The following PARPBP variants were observed in gnomAD, a reference collection of about 807,000 sequenced individuals.
PARPBP encodes PCNA-interacting partner.
Under a neutral mutation model 50.0 loss-of-function variants are expected in PARPBP, and 52 were observed. The observed-to-expected ratio is 1.04, with a 90% CI of 0.83 to 1.31. The LOEUF (loss-of-function observed/expected upper bound fraction) is 1.31. PARPBP is among the 50% of genes most tolerant of loss of function. The pLI is 0.00. For missense variants in PARPBP, 697 were observed against 672.0 expected (o/e 1.04, Z -0.41); for synonymous variants, 244 against 232.1 (o/e 1.05, Z -0.47).
rs1010895988 is a variant in PARPBP at position 102,125,585 on chromosome 12, C to T, written c.153+1544C>T. Among the ~76,000 whole-genome samples, 3 of 152,296 alleles carry T rather than the reference C, an allele frequency of 2.0e-5. No homozygotes were observed. The East Asian group carries it at 5.8e-4, about 29-fold the overall frequency. On this transcript the variant is annotated intron_variant, in intron 2 of 10. Transcript: ENST00000327680. ...TCCAGGAACAGTAAAAAGGCCAATA[C>T]AGCTGTCTGAATAAATGTTAATCTC...
chr12:102,140,034 A>G (rs189181719), intron 2 of PARPBP, among the ~76,000 whole-genome samples: 26 of 152,182 alleles, frequency 1.7e-4, no homozygotes, highest in Admixed American at 1.7e-3. Context: ...TTTTCTGTTA[A>G]TTGGAATAGT....
chr12:102,192,045 G>A (rs968399024), intron 9 of PARPBP, among the ~76,000 whole-genome samples: 4 of 152,082 alleles, frequency 2.6e-5, no homozygotes, highest in African/African-American at 9.7e-5. Flanking sequence ...CAAAGGAAAA[G>A]CAATCTCTTT....
In PARPBP at chr12:102,153,996, A is replaced by T. The variant is rs368065856; in HGVS notation, c.495+20A>T. 3 of 1,316,700 alleles carry T rather than the reference A, an allele frequency of 2.3e-6. No homozygotes were observed. The highest frequency in any genetic ancestry group is 1.4e-5 in the African/African-American group (1 of 69,012). 81.6% of individuals were successfully genotyped at this position (1,316,700 alleles called of 1,614,324 possible). A position where few individuals can be genotyped will look rare whatever the true frequency, so the allele number is the denominator to read the frequency against. ...GAAAAGGTACTGATAAACTGTGAGT[A>T]AATTAAAGCAGACTATAATCCCTTT... On this transcript the variant is annotated intron_variant, in intron 4 of 10. Transcript: ENST00000327680.
At chr12:102,187,008 C>G (rs2137164120) in intron 9 of PARPBP, among the ~76,000 whole-genome samples, 1 of 151,762 alleles carries the variant, frequency 6.6e-6, no homozygotes, top group African/African-American at 2.4e-5. Context: ...CAAATTTAAC[C>G]TTTATGATAT....
rs948256671 is a variant in PARPBP at position 102,175,985 on chromosome 12, C to CT, written c.1005+333dup. 7.2e-3 allele frequency among the ~76,000 whole-genome samples: 1,021 copies of CT among 141,650 alleles called. 11 individuals carry two copies. Among genetic ancestry groups the CT allele is most frequent in the African/African-American group, 0.021 (811 of 38,830 alleles). 92.9% of individuals were successfully genotyped at this position (141,650 alleles called of 152,430 possible). A position where few individuals can be genotyped will look rare whatever the true frequency, so the allele number is the denominator to read the frequency against. On this transcript the variant is annotated intron_variant, in intron 7 of 10. Transcript: ENST00000327680. ...TTTATGCTATTTTTCCATAAATATT[C>CT]TTTTTTTTTTTTTTGAGACGGAGTT...
At position 102,136,645 on chromosome 12, in the gene PARPBP, G is replaced by C. The variant is rs116378575; in HGVS notation, c.154-11585G>C. Among the ~76,000 whole-genome samples, 1,393 of 152,238 alleles carry C rather than the reference G, an allele frequency of 9.2e-3. 23 individuals are homozygous for C. Among genetic ancestry groups the C allele is most frequent in the African/African-American group, 0.032 (1,310 of 41,538 alleles). On this transcript the variant is annotated intron_variant, in intron 2 of 10. Coordinates refer to ENST00000327680, the MANE Select transcript of PARPBP (RefSeq NM_017915.5). ...TTCAGACTCTGGGTGGGAAAGAAGA[G>C]GTGAGTTGCAACTGAGATTTTCACA... is the stretch of plus-strand genomic sequence containing the variant.
intron 2 of PARPBP, among the ~76,000 whole-genome samples, chr12:102,125,401 A>G (rs1273351662): frequency 3.3e-5 from 5 of 152,210 alleles, no homozygotes; most frequent in Admixed American, 3.3e-4. Flanking sequence ...GGAATTTGAA[A>G]TAGGGTGGTC....
intron 2 of PARPBP, among the ~76,000 whole-genome samples, chr12:102,130,677 A>G (rs181344730): frequency 9.9e-4 from 151 of 152,066 alleles, no homozygotes; most frequent in Middle Eastern, 6.8e-3. Flanking sequence ...AACATGGTGA[A>G]ACCCCATCTC....
At chr12:102,120,579 C>G in intron 1 of PARPBP, 1 of 447,762 alleles carries the variant, frequency 2.2e-6, no homozygotes, top group Non-Finnish European at 4.5e-6. Flanking sequence ...AACCTGGGTT[C>G]TAGTCCCACT....
chr12:102,128,164 C>T (rs1451328163), intron 2 of PARPBP, among the ~76,000 whole-genome samples: 1 of 152,064 alleles, frequency 6.6e-6, no homozygotes, highest in Non-Finnish European at 1.5e-5. Context: ...TGAGTATCTC[C>T]CCATCCACCC....
At chr12:102,174,052 A>G (rs976653434) in intron 6 of PARPBP, among the ~76,000 whole-genome samples, 1 of 151,718 alleles carries the variant, frequency 6.6e-6, no homozygotes, top group African/African-American at 2.4e-5. Context: ...TCATTTATTC[A>G]ACAAACATAC....
At chr12:102,162,666 A>G (rs962678026) in intron 4 of PARPBP, among the ~76,000 whole-genome samples, 1 of 152,066 alleles carries the variant, frequency 6.6e-6, no homozygotes, top group African/African-American at 2.4e-5. Context: ...ACAAAAAATA[A>G]AAACGTTTTG....
chr12:102,130,208 G>A lies in PARPBP; in HGVS notation c.153+6167G>A, dbSNP rs374869463. On this transcript the variant is annotated intron_variant, in intron 2 of 10. Coordinates refer to ENST00000327680, the MANE Select transcript of PARPBP (RefSeq NM_017915.5). The stretch of plus-strand genomic sequence containing the variant: ...TAACCATGTGCAGAAGATTGAAACC[G>A]GACCTCTTCCTTAAACTACATACAA... 2.0e-3 allele frequency among the ~76,000 whole-genome samples: 309 copies of A among 152,196 alleles called. 1 individual carries two copies. The highest frequency in any genetic ancestry group is 3.3e-3 in the Non-Finnish European group (222 of 68,006).
At chr12:102,151,625 A>T in intron 3 of PARPBP, 1 of 1,535,642 alleles carries the variant, frequency 6.5e-7, no homozygotes, top group South Asian at 1.2e-5. Flanking sequence ...TCTAGGCCAG[A>T]TCTCTTGGCT....
At chr12:102,135,508 C>A (rs1883492249) in intron 2 of PARPBP, among the ~76,000 whole-genome samples, 1 of 143,336 alleles carries the variant, frequency 7.0e-6, no homozygotes. Context: ...CCACTGCACT[C>A]CAGCCTGGGA....
At chr12:102,153,001 C>T (rs926732405) in intron 3 of PARPBP, among the ~76,000 whole-genome samples, 2 of 149,844 alleles carry the variant, frequency 1.3e-5, no homozygotes, top group East Asian at 1.9e-4. Context: ...TAATTAAGTA[C>T]ATAATAATTT....
chr12:102,172,998 C>G (rs764734339), intron 6 of PARPBP, among the ~76,000 whole-genome samples: 1 of 152,152 alleles, frequency 6.6e-6, no homozygotes, highest in Non-Finnish European at 1.5e-5. Flanking sequence ...AGACTAGGCC[C>G]CCAGATTGAT....
chr12:102,166,318 A>T (rs1040560604), intron 6 of PARPBP, among the ~76,000 whole-genome samples: 1 of 152,042 alleles, frequency 6.6e-6, no homozygotes, highest in African/African-American at 2.4e-5. Flanking sequence ...TCTTTGGTTC[A>T]TCTGGGATTT....
At chr12:102,191,948 CAGAG>C (rs1367994779) in intron 9 of PARPBP, among the ~76,000 whole-genome samples, 3 of 152,072 alleles carry the variant, frequency 2.0e-5, no homozygotes, top group Non-Finnish European at 4.4e-5. Context: ...ATCAAATACA[CAGAG>C]AGATTTGGAA....
Sources: allele counts gnomAD v4.1 joint callset (sites outside exome capture counted in the v4.1 genomes callset), GRCh38; gene constraint gnomAD v4.1.1; transcripts MANE v1.5; gene names NCBI Gene and HGNC (gene_info 2026-07-23, HGNC 2026-07-21).